NCAPG2: variants seen among roughly 807,000 people sequenced by gnomAD.
NCAPG2 encodes the protein non-SMC condensin II complex subunit G2, also known as condensin-2 complex subunit G2.
NCAPG2 carries 53 observed loss-of-function variants against 141.1 expected under a neutral mutation model. The observed-to-expected ratio is 0.38, with a 90% CI of 0.30 to 0.47. The LOEUF is 0.47. NCAPG2 is among the 20% of genes least tolerant of loss of function. NCAPG2 has a pLI of 0.99. For synonymous variants in NCAPG2, 499 were observed against 490.7 expected, an observed-to-expected ratio of 1.02 and a Z score of -0.22; for missense variants, 1,087 against 1,389.0, an observed-to-expected ratio of 0.78 and a Z score of 3.46.
intron 2 of NCAPG2, 36 bp from the exon 3 acceptor site, chr7:158,693,533 C>G: frequency 6.5e-7 from 1 of 1,541,094 alleles, no homozygotes; most frequent in Middle Eastern, 1.7e-4. Context: ...ATTTCAAATA[C>G]AAAAAATTAA....
intron 27 of NCAPG2, 133 bp downstream of exon 27, chr7:158,644,156 T>C: frequency 1.6e-6 from 1 of 642,364 alleles, no homozygotes; most frequent in Non-Finnish European, 2.7e-6. Context: ...AACAGAAACA[T>C]TTCTCTCCTT....
intron 27 of NCAPG2, chr7:158,640,707 AAAG>A (rs1223122375): frequency 6.6e-6 from 1 of 152,218 alleles, no homozygotes; most frequent in Admixed American, 6.5e-5. Context: ...AGAAGCATTA[AAAG>A]AAGTTCTCTG....
At chr7:158,704,147 C>G (rs1346337753) in intron 1 of NCAPG2, among the ~76,000 whole-genome samples, 1 of 147,098 alleles carries the variant, frequency 6.8e-6, no homozygotes, top group Non-Finnish European at 1.5e-5. Flanking sequence ...AGTGCCCATG[C>G]CCAGGACTGA....
intron 13 of NCAPG2, among the ~76,000 whole-genome samples, chr7:158,667,434 C>T (rs1563539055): frequency 3.8e-5 from 4 of 104,748 alleles, no homozygotes; most frequent in East Asian, 2.9e-4. Flanking sequence ...TCCCTCCGCC[C>T]TCCTTACCCA....
intron 27 of NCAPG2, chr7:158,641,286 A>G: frequency 2.6e-6 from 1 of 389,534 alleles, no homozygotes. Flanking sequence ...TATTAATCCA[A>G]CTATATCAAT....
chr7:158,686,294 CA>C, intron 7 of NCAPG2, 53 bp from the exon 8 acceptor site: 1 of 1,066,076 alleles, frequency 9.4e-7, no homozygotes, highest in Non-Finnish European at 1.4e-6. Context: ...ATTATTCTTT[CA>C]ACATGTATCA....
rs1439090004 is a variant in NCAPG2 at position 158,664,625 on chromosome 7, G to A, written c.1605C>T (p.Val535=). ...SFLPVNQPEE[V]WCERCVTLVQ... ...CCAGGGTGACACAGCGCTCGCACCA[G>A]ACCTCCTCCGGCTGATTCACAGGCA... The change falls in exon 14 of 28, where the codon GTC becomes GTT. Residue 535 remains valine (V), a synonymous_variant. Coordinates refer to ENST00000356309, the MANE Select transcript of NCAPG2 (RefSeq NM_017760.7). 1.2e-6 allele frequency: 2 copies of A among 1,614,150 alleles called. No homozygotes were observed. The highest frequency in any genetic ancestry group is 1.1e-5 in the South Asian group (1 of 91,074).
intron 23 of NCAPG2, 31 bp from the exon 24 acceptor site, chr7:158,651,003 G>T: frequency 6.5e-7 from 1 of 1,534,662 alleles, no homozygotes; most frequent in South Asian, 1.2e-5. Context: ...CACTTTTAAT[G>T]ACTAAAAACC....
intron 27 of NCAPG2, chr7:158,639,925 A>G: frequency 1.2e-6 from 1 of 833,968 alleles, no homozygotes; most frequent in African/African-American, 1.8e-5. Context: ...CCTGTGAGAC[A>G]ACTGTAAAAG....
chr7:158,687,692 G>C (rs1171435006), intron 6 of NCAPG2, among the ~76,000 whole-genome samples: 1 of 152,184 alleles, frequency 6.6e-6, no homozygotes, highest in Non-Finnish European at 1.5e-5. Flanking sequence ...AGGGCCACAG[G>C]TGCAGAGATG....
At chr7:158,643,920 C>T (rs759491254) in intron 27 of NCAPG2, among the ~76,000 whole-genome samples, 11 of 152,200 alleles carry the variant, frequency 7.2e-5, no homozygotes, top group Non-Finnish European at 1.2e-4. Flanking sequence ...CTGGAGGGAC[C>T]GCACATCCCC....
intron 22 of NCAPG2, among the ~76,000 whole-genome samples, chr7:158,653,917 G>A (rs917806495): frequency 2.6e-5 from 4 of 152,278 alleles, no homozygotes; most frequent in African/African-American, 7.2e-5. Flanking sequence ...GGCTGAGGGG[G>A]AGGCTGGCCG....
At chr7:158,677,680 C>T (rs1417167526) in intron 11 of NCAPG2, among the ~76,000 whole-genome samples, 1 of 152,116 alleles carries the variant, frequency 6.6e-6, no homozygotes, top group African/African-American at 2.4e-5. Flanking sequence ...AATCACCTTA[C>T]AACCACATCC....
At chr7:158,662,584 G>A (rs1165518708) in intron 15 of NCAPG2, among the ~76,000 whole-genome samples, 1 of 152,108 alleles carries the variant, frequency 6.6e-6, no homozygotes, top group African/African-American at 2.4e-5. Flanking sequence ...ATCCTTTAAA[G>A]AAACAGTTTA....
At chr7:158,672,378 C>T (rs1833793027) in intron 12 of NCAPG2, among the ~76,000 whole-genome samples, 1 of 109,784 alleles carries the variant, frequency 9.1e-6, no homozygotes, top group Non-Finnish European at 1.7e-5. Flanking sequence ...AGTCTCACTC[C>T]GTTGCCCAGG....
At chr7:158,667,062 G>T in intron 13 of NCAPG2, 1 of 914,646 alleles carries the variant, frequency 1.1e-6, no homozygotes. Flanking sequence ...TGGCCAGCCA[G>T]ACTGCCTCTT....
chr7:158,701,238 T>A (rs553906862), intron 2 of NCAPG2, among the ~76,000 whole-genome samples: 5 of 152,334 alleles, frequency 3.3e-5, no homozygotes, highest in Non-Finnish European at 5.9e-5. Flanking sequence ...AATTCAACCA[T>A]CATTTTGAAG....
chr7:158,677,274 G>A (rs1451571255), intron 11 of NCAPG2, among the ~76,000 whole-genome samples: 1 of 152,080 alleles, frequency 6.6e-6, no homozygotes, highest in East Asian at 1.9e-4. Flanking sequence ...CAGAAGGAAA[G>A]GGCCCTTTGT....
In NCAPG2 at chr7:158,631,285, C is replaced by T; in HGVS notation, c.*381G>A. ...ACAGGCGTGTGCCACTGCGCCGGGCCCCTAATACTTTCAAATAAACAAATG... is the reference window on the plus strand; with the variant it reads ...ACAGGCGTGTGCCACTGCGCCGGGCTCCTAATACTTTCAAATAAACAAATG... On this transcript the variant is annotated 3_prime_UTR_variant, in exon 28 of 28. Coordinates refer to ENST00000356309, the MANE Select transcript of NCAPG2 (RefSeq NM_017760.7). 4.5e-6 allele frequency: 1 copy of T among 223,854 alleles called. No individual in the cohort carries two copies. Among genetic ancestry groups the T allele is most frequent in the Non-Finnish European group, 8.6e-6 (1 of 116,342 alleles). 13.9% of individuals were successfully genotyped at this position (223,854 alleles called of 1,614,324 possible).
Sources: gnomAD v4.1 joint callset for allele counts (sites outside exome capture counted in the v4.1 genomes callset) on GRCh38, gnomAD v4.1.1 for gene constraint, MANE v1.5 for transcripts, NCBI Gene and HGNC (gene_info 2026-07-23, HGNC 2026-07-21) for gene names.